ELAVL2: variants seen among roughly 807,000 people sequenced by gnomAD.
The protein encoded by ELAVL2 is ELAV-like protein 2.
A neutral mutation model predicts 34.6 loss-of-function variants in ELAVL2; 4 were observed. The observed-to-expected ratio is 0.12, with a 90% CI of 0.06 to 0.26. The LOEUF (loss-of-function observed/expected upper bound fraction) is 0.26. ELAVL2 is among the 10% of genes least tolerant of loss of function. The pLI is 1.00. For missense variants in ELAVL2, 432 were observed against 442.8 expected, an observed-to-expected ratio of 0.98 and a Z score of 0.22; for synonymous variants, 193 against 154.8, an observed-to-expected ratio of 1.25 and a Z score of -1.83.
At chr9:23,760,459 CAT>C (rs369316403) in intron 2 of ELAVL2, among the ~76,000 whole-genome samples, 42 of 152,006 alleles carry the variant, frequency 2.8e-4, no homozygotes, top group African/African-American at 5.3e-4. Flanking sequence ...GCAAAATCCA[CAT>C]GTCAGGGGTG....
At chr9:23,719,428 C>G (rs528712831) in intron 3 of ELAVL2, among the ~76,000 whole-genome samples, 1 of 152,146 alleles carries the variant, frequency 6.6e-6, no homozygotes, top group African/African-American at 2.4e-5. Flanking sequence ...ATACTGTAGA[C>G]AATGCATATT....
intron 1 of ELAVL2, among the ~76,000 whole-genome samples, chr9:23,821,051 C>CCG (rs1053945483): frequency 6.6e-6 from 1 of 152,212 alleles, no homozygotes; most frequent in Non-Finnish European, 1.5e-5. Flanking sequence ...GCTCCAAGGA[C>CCG]CGCGCGCGCG....
chr9:23,752,101 G>T (rs1172626661), intron 2 of ELAVL2, among the ~76,000 whole-genome samples: 1 of 152,080 alleles, frequency 6.6e-6, no homozygotes, highest in Non-Finnish European at 1.5e-5. Context: ...TTTTACCTAT[G>T]GGGGGAAAAA....
intron 1 of ELAVL2, among the ~76,000 whole-genome samples, chr9:23,809,468 T>C (rs2062683529): frequency 6.6e-6 from 1 of 152,088 alleles, no homozygotes. Flanking sequence ...AATATAAAAA[T>C]TGCATATCTA....
At chr9:23,809,108 T>C (rs532653228) in intron 1 of ELAVL2, among the ~76,000 whole-genome samples, 1 of 152,320 alleles carries the variant, frequency 6.6e-6, no homozygotes, top group Admixed American at 6.5e-5. Context: ...TGTGATATTC[T>C]AAATTACAGC....
intron 1 of ELAVL2, among the ~76,000 whole-genome samples, chr9:23,782,193 C>T (rs1328470466): frequency 2.0e-5 from 3 of 152,130 alleles, no homozygotes; most frequent in South Asian, 2.1e-4. Context: ...GAACAGCAGA[C>T]GGTGATGTTT....
intron 4 of ELAVL2, among the ~76,000 whole-genome samples, chr9:23,703,291 A>T (rs2038109342): frequency 6.6e-6 from 1 of 152,234 alleles, no homozygotes; most frequent in Non-Finnish European, 1.5e-5. Context: ...TAGAAAGCAC[A>T]AATGAAATAA....
At chr9:23,774,638 G>C (rs1341468506) in intron 1 of ELAVL2, among the ~76,000 whole-genome samples, 2 of 150,888 alleles carry the variant, frequency 1.3e-5, no homozygotes, top group East Asian at 3.9e-4. Context: ...ATTTTTAAAA[G>C]TGTGTGACCC....
the ELAVL2 span, among the ~76,000 whole-genome samples, chr9:23,838,847 T>C: frequency 1.1e-4 from 17 of 152,226 alleles, no homozygotes; most frequent in African/African-American, 3.9e-4. Flanking sequence ...TATAATGAGA[T>C]TGAACAAAAA....
intron 1 of ELAVL2, among the ~76,000 whole-genome samples, chr9:23,808,832 G>A (rs902819284): frequency 3.3e-5 from 5 of 152,054 alleles, no homozygotes; most frequent in African/African-American, 2.4e-5. Flanking sequence ...AATTCCTTAA[G>A]GAGTCTGAAC....
intron 1 of ELAVL2, among the ~76,000 whole-genome samples, chr9:23,793,806 A>C (rs1167228267): frequency 1.3e-5 from 2 of 152,082 alleles, no homozygotes; most frequent in Admixed American, 1.3e-4. Context: ...AAACTTTTAT[A>C]ACTATTTTCT....
intron 2 of ELAVL2, among the ~76,000 whole-genome samples, chr9:23,739,257 C>T (rs1464099293): frequency 6.6e-6 from 1 of 152,074 alleles, no homozygotes; most frequent in Non-Finnish European, 1.5e-5. Flanking sequence ...ACGCTCAGCA[C>T]CACAATGAAA....
intron 1 of ELAVL2, among the ~76,000 whole-genome samples, chr9:23,818,860 C>T (rs951526707): frequency 7.9e-5 from 12 of 152,130 alleles, no homozygotes; most frequent in Admixed American, 2.0e-4. Context: ...AGTATCTAGT[C>T]CTTTGGGGAA....
In ELAVL2 at chr9:23,691,538, A is replaced by G. The variant is rs1339425267; in HGVS notation, c.*1019T>C. 6.6e-6 allele frequency: 1 copy of G among 152,498 alleles called. No individual in the cohort carries two copies. Among genetic ancestry groups the G allele is most frequent in the Admixed American group, 6.6e-5 (1 of 15,258 alleles). 9.4% of individuals were successfully genotyped at this position (152,498 alleles called of 1,614,324 possible). On this transcript the variant is annotated 3_prime_UTR_variant, in exon 7 of 7. Transcript: ENST00000397312. ...AGATTTTTTCCCCCATCTCTCGGTA[A>G]TTTAAATTTCTTGCCTGCTCTTATA...
intron 1 of ELAVL2, among the ~76,000 whole-genome samples, chr9:23,819,460 T>C (rs374329741): frequency 1.3e-5 from 2 of 152,252 alleles, no homozygotes; most frequent in South Asian, 4.1e-4. Flanking sequence ...TGACCAGCAG[T>C]GGGTACTTGC....
chr9:23,782,313 T>C (rs758153292), intron 1 of ELAVL2, among the ~76,000 whole-genome samples: 1 of 152,124 alleles, frequency 6.6e-6, no homozygotes, highest in Non-Finnish European at 1.5e-5. Flanking sequence ...CGCAGAGTCT[T>C]AGCATTCTCA....
intron 1 of ELAVL2, among the ~76,000 whole-genome samples, chr9:23,773,479 G>A (rs1184963775): frequency 6.6e-6 from 1 of 152,102 alleles, no homozygotes; most frequent in South Asian, 2.1e-4. Flanking sequence ...TGAAACGAAC[G>A]CTTAAGGATC....
At chr9:23,736,260 A>C (rs184138115) in intron 2 of ELAVL2, among the ~76,000 whole-genome samples, 1 of 152,304 alleles carries the variant, frequency 6.6e-6, no homozygotes, top group Admixed American at 6.5e-5. Context: ...AAAATTGTGG[A>C]AAATAAAATT....
chr9:23,705,375 A>G (rs1477784804), intron 3 of ELAVL2, among the ~76,000 whole-genome samples: 1 of 152,208 alleles, frequency 6.6e-6, no homozygotes, highest in Admixed American at 6.5e-5. Context: ...AAAATGGTCA[A>G]TGGGTCTGGG....
Sources: gnomAD v4.1 joint callset for allele counts (sites outside exome capture counted in the v4.1 genomes callset) on GRCh38, gnomAD v4.1.1 for gene constraint, MANE v1.5 for transcripts, NCBI Gene and HGNC (gene_info 2026-07-23, HGNC 2026-07-21) for gene names.